Variants in SUSD5 observed in about 807,000 individuals in gnomAD.
SUSD5 encodes sushi domain containing 5.
In SUSD5, 33 loss-of-function variants were observed where a neutral mutation model predicts 29.5. The ratio of observed to expected loss-of-function variants is 1.12; its 90% CI spans 0.85 to 1.49. SUSD5 has a LOEUF of 1.49. Among genes scored for constraint, SUSD5 ranks in the 40% most tolerant of loss-of-function variants. SUSD5 has a pLI of 0.00. For missense variants in SUSD5, 776 were observed against 800.6 expected, an observed-to-expected ratio of 0.97 and a Z score of 0.37; for synonymous variants, 308 against 325.3, an observed-to-expected ratio of 0.95 and a Z score of 0.57.
At chr3:33,175,179 C>T in intron 3 of SUSD5, 105 bp from the exon 4 acceptor site, 1 of 1,235,698 alleles carries the variant, frequency 8.1e-7, no homozygotes, top group Non-Finnish European at 1.1e-6. Flanking sequence ...CCCACCGTAC[C>T]CTCAACTGTG....
intron 1 of SUSD5, among the ~76,000 whole-genome samples, chr3:33,214,879 G>A (rs759426909): frequency 2.0e-5 from 3 of 152,072 alleles, no homozygotes; most frequent in Non-Finnish European, 2.9e-5. Context: ...GCCCTATCAA[G>A]TTAAGCTAAA....
intron 3 of SUSD5, among the ~76,000 whole-genome samples, chr3:33,196,867 A>G (rs1198774364): frequency 1.3e-5 from 2 of 152,094 alleles, no homozygotes; most frequent in Non-Finnish European, 2.9e-5. Context: ...AGAAGAAAGG[A>G]GCATCTCAGA....
chr3:33,193,754 C>T (rs1277686985), intron 3 of SUSD5, among the ~76,000 whole-genome samples: 7 of 152,092 alleles, frequency 4.6e-5, no homozygotes, highest in Non-Finnish European at 8.8e-5. Flanking sequence ...CTGATCTAAC[C>T]GACTCCATCT....
At chr3:33,202,272 T>C (rs1242206706) in intron 3 of SUSD5, among the ~76,000 whole-genome samples, 2 of 152,096 alleles carry the variant, frequency 1.3e-5, no homozygotes, top group Non-Finnish European at 2.9e-5. Context: ...AATTAATTGG[T>C]TCCAATCTGG....
At chr3:33,161,925 C>T (rs1448790650) in intron 4 of SUSD5, among the ~76,000 whole-genome samples, 1 of 151,828 alleles carries the variant, frequency 6.6e-6, no homozygotes, top group Non-Finnish European at 1.5e-5. Flanking sequence ...ATAATTATAA[C>T]AAATAGAAAA....
At chr3:33,166,359 A>G (rs1417135953) in intron 4 of SUSD5, among the ~76,000 whole-genome samples, 4 of 152,234 alleles carry the variant, frequency 2.6e-5, no homozygotes, top group Admixed American at 2.6e-4. Flanking sequence ...GGATTGGGTA[A>G]AGATACCTTA....
chr3:33,218,665 C>G, intron 1 of SUSD5, 21 bp downstream of exon 1: 2 of 1,277,720 alleles, frequency 1.6e-6, no homozygotes, highest in Non-Finnish European at 2.0e-6. Context: ...CCCCCCGCCC[C>G]GCCGCCTCCC....
In SUSD5 at chr3:33,207,937, CA is replaced by C; in HGVS notation, c.291-12del. On this transcript the variant is annotated splice_polypyrimidine_tract_variant and intron_variant, in intron 2 of 4. Transcript: ENST00000309558. ...CTACACACAGTTGTTCTGAAATAGA[CA>C]AAAAAGGCACTGAATGAGGAAAACT... 6.3e-7 allele frequency: 1 copy of C among 1,594,728 alleles called. No individual in the cohort carries two copies.
chr3:33,210,855 ATATTTTCTT>A lies in SUSD5; in HGVS notation c.291-2938_291-2930del, dbSNP rs555380884. On this transcript the variant is annotated intron_variant, in intron 2 of 4. Transcript: ENST00000309558. ...ACATTGTATAGTAAATATAACAAGT[ATATTTTCTT>A]TATTTTCTTTCTTTCATTATTTATT... Among the ~76,000 whole-genome samples the A allele has an allele frequency of 3.7e-4, 55 of 148,014 alleles. No individual in the cohort carries two copies. In the East Asian group the frequency reaches 5.4e-3, roughly 15 times the overall value.
Position 33,165,645 on chromosome 3 carries a change from C to T in SUSD5, c.598+9241G>A, listed in dbSNP as rs528599040. Reference sequence around the variant, plus strand: ...TGATATTCAGGAAGAAAAGGCAAATCCCATGCAAGAACAAAATTAAATCAG... The same window carrying T: ...TGATATTCAGGAAGAAAAGGCAAATTCCATGCAAGAACAAAATTAAATCAG... On this transcript the variant is annotated intron_variant, in intron 4 of 4. Coordinates refer to ENST00000309558, the MANE Select transcript of SUSD5 (RefSeq NM_015551.2). Among the ~76,000 whole-genome samples the T allele has an allele frequency of 7.2e-5, 11 of 152,182 alleles. No homozygotes were observed. In the South Asian group the frequency reaches 2.3e-3, roughly 32 times the overall value.
At chr3:33,195,744 G>GAAAA (rs372643596) in intron 3 of SUSD5, among the ~76,000 whole-genome samples, 9 of 139,428 alleles carry the variant, frequency 6.5e-5, no homozygotes, top group South Asian at 4.4e-4. Context: ...CCATATAAAT[G>GAAAA]AAAAAAAAAA....
rs900279765 is a variant in SUSD5, at chr3:33,193,450, T to C, written c.409+14358A>G. ...ACATTTAACTACAAGGTGTTAGGGG[T>C]GAGATGAGGATCAGGGCATAGGAGG... On this transcript the variant is annotated intron_variant, in intron 3 of 4. Transcript: ENST00000309558. Among the ~76,000 whole-genome samples, 4 of 151,820 alleles carry C rather than the reference T, an allele frequency of 2.6e-5. No homozygotes were observed. The East Asian group carries it at 7.7e-4, about 29-fold the overall frequency.
At position 33,207,803 on chromosome 3, in the gene SUSD5, C is replaced by T. The variant is rs1559457182; in HGVS notation, c.409+5G>A. 1.2e-6 allele frequency: 2 copies of T among 1,602,564 alleles called. No homozygotes were observed. The highest frequency in any genetic ancestry group is 1.7e-6 in the Non-Finnish European group (2 of 1,170,874). ...CAGCACCTTTAAGAAGACTCTGGCACTGACCTTCATCCTTAATACAAAGGG... is the reference window on the plus strand; with the variant it reads ...CAGCACCTTTAAGAAGACTCTGGCATTGACCTTCATCCTTAATACAAAGGG... On this transcript the variant is annotated splice_donor_5th_base_variant and intron_variant, in intron 3 of 4. Coordinates refer to ENST00000309558, the MANE Select transcript of SUSD5 (RefSeq NM_015551.2).
At chr3:33,207,033 T>C (rs1012167265) in intron 3 of SUSD5, among the ~76,000 whole-genome samples, 7 of 152,074 alleles carry the variant, frequency 4.6e-5, no homozygotes, top group Admixed American at 6.6e-5. Flanking sequence ...TTTACAACCG[T>C]ATGTGTTTCT....
intron 2 of SUSD5, among the ~76,000 whole-genome samples, chr3:33,212,211 T>G (rs781766464): frequency 6.6e-6 from 1 of 152,190 alleles, no homozygotes; most frequent in Non-Finnish European, 1.5e-5. Context: ...CCCATGAATA[T>G]GTACAATTAT....
intron 3 of SUSD5, among the ~76,000 whole-genome samples, chr3:33,199,031 A>C (rs61434208): frequency 0.048 from 7,327 of 152,268 alleles, 514 homozygotes; most frequent in African/African-American, 0.16. Context: ...AGGCTGAGAA[A>C]AGACATATAG....
intron 3 of SUSD5, among the ~76,000 whole-genome samples, chr3:33,182,328 T>C (rs2031689740): frequency 6.6e-6 from 1 of 152,236 alleles, no homozygotes; most frequent in African/African-American, 2.4e-5. Flanking sequence ...TTAATTTGTG[T>C]TTTACGGCCC....
intron 3 of SUSD5, among the ~76,000 whole-genome samples, chr3:33,176,571 A>G (rs2031555923): frequency 6.6e-6 from 1 of 152,182 alleles, no homozygotes; most frequent in Non-Finnish European, 1.5e-5. Flanking sequence ...TTCTCTAGAC[A>G]TTGTCTTTTG....
intron 3 of SUSD5, among the ~76,000 whole-genome samples, chr3:33,185,892 T>C (rs887620174): frequency 2.0e-5 from 3 of 152,188 alleles, no homozygotes; most frequent in African/African-American, 7.2e-5. Flanking sequence ...GTACCTATCT[T>C]ATTTCTTTAG....
Sources: allele counts gnomAD v4.1 joint callset (sites outside exome capture counted in the v4.1 genomes callset), GRCh38; gene constraint gnomAD v4.1.1; transcripts MANE v1.5; gene names NCBI Gene and HGNC (gene_info 2026-07-23, HGNC 2026-07-21).